SLC26A4: variants seen among roughly 807,000 people sequenced by gnomAD.
The protein encoded by SLC26A4 is pendrin.
SLC26A4 carries 93 observed loss-of-function variants against 90.4 expected under a neutral mutation model. That is an observed-to-expected ratio of 1.03 (90% CI 0.87 to 1.22). The LOEUF is 1.22. Among genes scored for constraint, SLC26A4 ranks in the 50% most tolerant of loss-of-function variants. The pLI, the probability that SLC26A4 is intolerant of heterozygous loss-of-function variation, is 0.00. For missense variants in SLC26A4, 1,127 were observed against 946.2 expected (o/e 1.19, Z -2.51); for synonymous variants, 393 against 354.6 (o/e 1.11, Z -1.22).
rs1554359670 is a variant in SLC26A4 at position 107,694,650 on chromosome 7, C to G, written c.1371C>G (p.Asn457Lys). The change falls in exon 12 of 21, where the codon AAC becomes AAG. Residue 457 changes from asparagine to lysine, a missense_variant. Transcript: ENST00000644269. Reference protein sequence around the residue: ...KSVLAAVVIANLKGMFMQLCD... With the variant: ...KSVLAAVVIAKLKGMFMQLCD... ...TCTTGGCAGCTGTTGTAATTGCCAA[C>G]CTGAAAGGGATGTTTATGCAGCTGT... The G allele has an allele frequency of 6.2e-7, 1 of 1,613,626 alleles. No individual in the cohort carries two copies. The highest frequency in any genetic ancestry group is 8.5e-7 in the Non-Finnish European group (1 of 1,179,584).
chr7:107,684,289 A>G (rs911950631), intron 8 of SLC26A4, among the ~76,000 whole-genome samples: 1 of 152,158 alleles, frequency 6.6e-6, no homozygotes, highest in Non-Finnish European at 1.5e-5. Flanking sequence ...TTAAGACTAG[A>G]CTTGCTGTTA....
chr7:107,688,473 G>A (rs1438541756), intron 8 of SLC26A4, among the ~76,000 whole-genome samples: 1 of 152,138 alleles, frequency 6.6e-6, no homozygotes, highest in Admixed American at 6.6e-5. Context: ...AGTAGTCATT[G>A]GACCCCACAA....
intron 6 of SLC26A4, among the ~76,000 whole-genome samples, chr7:107,678,949 C>G (rs1366004938): frequency 1.3e-5 from 2 of 152,124 alleles, no homozygotes; most frequent in Non-Finnish European, 2.9e-5. Context: ...TATCTTTGTT[C>G]TAAGGTTGCA....
chr7:107,690,422 T>A (rs1354822144), intron 10 of SLC26A4, among the ~76,000 whole-genome samples, 185 bp downstream of exon 10: 4 of 152,158 alleles, frequency 2.6e-5, no homozygotes, highest in Admixed American at 1.3e-4. Flanking sequence ...AAACAACATG[T>A]ATGGTTTTCT....
At chr7:107,666,580 A>G (rs1190119571) in intron 3 of SLC26A4, among the ~76,000 whole-genome samples, 1 of 152,180 alleles carries the variant, frequency 6.6e-6, no homozygotes, top group Non-Finnish European at 1.5e-5. Flanking sequence ...AGAAGGTGAA[A>G]TTTAGTAAAA....
chr7:107,675,285 T>TAAAA (rs60022317), intron 6 of SLC26A4, among the ~76,000 whole-genome samples, 176 bp downstream of exon 6: 18 of 96,686 alleles, frequency 1.9e-4, no homozygotes, highest in South Asian at 3.6e-4. Context: ...CCTCATCTCT[T>TAAAA]AAAAAAAAAA....
intron 5 of SLC26A4, 33 bp downstream of exon 5, chr7:107,674,381 GTAATTTT>G: frequency 6.9e-7 from 1 of 1,453,366 alleles, no homozygotes; most frequent in Non-Finnish European, 9.7e-7. Context: ...ATAGATGGAT[GTAATTTT>G]TATTTGAAAT....
chr7:107,682,990 A>G, intron 6 of SLC26A4, among the ~76,000 whole-genome samples: 1 of 152,130 alleles, frequency 6.6e-6, no homozygotes, highest in Non-Finnish European at 1.5e-5. Flanking sequence ...TGGTGTATAT[A>G]TATATTGCAG....
Position 107,661,553 on chromosome 7 carries a change from TC to T in SLC26A4, c.-3-83del, listed in dbSNP as rs1790549967. 1 of 1,396,762 alleles carries T rather than the reference TC, an allele frequency of 7.2e-7. No homozygotes were observed. Among genetic ancestry groups the T allele is most frequent in the African/African-American group, 1.4e-5 (1 of 70,304 alleles). 86.5% of individuals were successfully genotyped at this position (1,396,762 alleles called of 1,614,324 possible). ...GGGCCTGGCTGCAGCTAACAGGTGA[TC>T]CCGTTCTTTCTGTTCCTCGCTCTTC... On this transcript the variant is annotated intron_variant, in intron 1 of 20. Coordinates refer to ENST00000644269, the MANE Select transcript of SLC26A4 (RefSeq NM_000441.2). The surrounding 1 kb of genome is among the most constrained non-coding windows in gnomAD (Gnocchi z 5.1).
rs1417148170 is a variant in SLC26A4, at chr7:107,701,847, T to C, written c.1824T>C (p.Ala608=). 3.1e-6 allele frequency: 5 copies of C among 1,608,520 alleles called. No homozygotes were observed. The highest frequency in any genetic ancestry group is 1.1e-5 in the South Asian group (1 of 90,974). Residue 608 remains alanine (A), a synonymous_variant, in exon 17 of 21, where the codon GCT becomes GCC. Coordinates refer to ENST00000644269, the MANE Select transcript of SLC26A4 (RefSeq NM_000441.2). ...TTTAGAATGGCATCATAAGTGATGCTGTTTCAACAAATAATGCTTTTGAGC... is the reference window on the plus strand; with the variant it reads ...TTTAGAATGGCATCATAAGTGATGCCGTTTCAACAAATAATGCTTTTGAGC... The part of the protein sequence containing the change: ...RATKNGIISD[A]VSTNNAFEPD...
At chr7:107,677,012 A>G (rs1303310219) in intron 6 of SLC26A4, among the ~76,000 whole-genome samples, 1 of 152,080 alleles carries the variant, frequency 6.6e-6, no homozygotes, top group East Asian at 1.9e-4. Context: ...TGTCCCTACT[A>G]ATAATACAAA....
Position 107,710,195 on chromosome 7 carries a change from A to C in SLC26A4, c.2231A>C (p.Glu744Ala). Residue 744 changes from glutamate to alanine, a missense_variant, in exon 19 of 21, where the codon GAA (glutamate) becomes GCA (alanine). Transcript: ENST00000644269. Reference protein sequence around the residue: ...KSQEGQGSILETITLIQDCKD... With the variant: ...KSQEGQGSILATITLIQDCKD... ...CAAGAGGGTCAAGGTTCCATTTTAG[A>C]AACGGTAAATATTCAACCTTTCTAC... The C allele has an allele frequency of 6.3e-7, 1 of 1,597,802 alleles. No individual in the cohort carries two copies. Among genetic ancestry groups the C allele is most frequent in the Non-Finnish European group, 8.6e-7 (1 of 1,165,272 alleles).
Position 107,694,669 on chromosome 7 carries a change from C to T in SLC26A4, c.1390C>T (p.Gln464Ter). The change falls in exon 12 of 21, where the codon CAG becomes TAG. Residue 464 changes from glutamine to a stop codon, truncating the protein, a stop_gained. Coordinates refer to ENST00000644269, the MANE Select transcript of SLC26A4 (RefSeq NM_000441.2). LOFTEE classifies it high-confidence loss of function. Reference protein sequence around the residue: ...VIANLKGMFMQLCDIPRLWRQ... With the variant: ...VIANLKGMFM ...TGCCAACCTGAAAGGGATGTTTATG[C>T]AGCTGTGTGACATTCCTCGTCTGTG... is the stretch of plus-strand genomic sequence containing the variant. 6.2e-7 allele frequency: 1 copy of T among 1,613,582 alleles called. No individual in the cohort carries two copies. The highest frequency in any genetic ancestry group is 1.7e-5 in the Admixed American group (1 of 59,984).
intron 3 of SLC26A4, among the ~76,000 whole-genome samples, chr7:107,664,636 C>G (rs1420496442): frequency 6.6e-6 from 1 of 152,152 alleles, no homozygotes; most frequent in African/African-American, 2.4e-5. Flanking sequence ...CCCCTCATCC[C>G]TTTTTAAAAA....
rs1417146153 is a variant in SLC26A4 at position 107,710,131 on chromosome 7, C to G, written c.2167C>G (p.His723Asp). Residue 723 changes from histidine to aspartate, a missense_variant, in exon 19 of 21, where the codon CAT (histidine) becomes GAT (aspartate). Coordinates refer to ENST00000644269, the MANE Select transcript of SLC26A4 (RefSeq NM_000441.2). Reference sequence around the variant, plus strand: ...AAAGGACACATTCTTTTTGACGGTCCATGATGCTATACTCTATCTACAGAA... The same window carrying G: ...AAAGGACACATTCTTTTTGACGGTCGATGATGCTATACTCTATCTACAGAA... Reference protein sequence around the residue: ...IRKDTFFLTVHDAILYLQNQV... With the variant: ...IRKDTFFLTVDDAILYLQNQV... 6.2e-7 allele frequency: 1 copy of G among 1,608,472 alleles called. No individual in the cohort carries two copies. Among genetic ancestry groups the G allele is most frequent in the East Asian group, 2.2e-5 (1 of 44,844 alleles).
chr7:107,698,151 C>T (rs1186556088), intron 14 of SLC26A4, 40 bp downstream of exon 14: 1 of 1,336,730 alleles, frequency 7.5e-7, no homozygotes, highest in South Asian at 1.2e-5. Flanking sequence ...CTTGGGTTTA[C>T]TAGCCTGAAG....
intron 12 of SLC26A4, among the ~76,000 whole-genome samples, chr7:107,695,421 G>T (rs1791710455): frequency 6.6e-6 from 1 of 152,110 alleles, no homozygotes; most frequent in African/African-American, 2.4e-5. Flanking sequence ...CAAAAATTTA[G>T]AAATAAATAA....
intron 6 of SLC26A4, among the ~76,000 whole-genome samples, 176 bp downstream of exon 6, chr7:107,675,285 TAAAAA>T (rs60022317): frequency 5.2e-5 from 5 of 96,786 alleles, no homozygotes; most frequent in African/African-American, 8.0e-5. Flanking sequence ...CCTCATCTCT[TAAAAA>T]AAAAAAAAAA....
Position 107,663,467 on chromosome 7 carries a change from T to G in SLC26A4, c.304+32T>G, listed in dbSNP as rs1406391157. 3.7e-6 allele frequency: 6 copies of G among 1,613,126 alleles called. No homozygotes were observed. The African/African-American group carries it at 8.0e-5, about 22-fold the overall frequency. On this transcript the variant is annotated intron_variant, in intron 3 of 20. Transcript: ENST00000644269. ...TGTTGGCAGATTGAGAGTTCTGGTC[T>G]CCAGCAGGAGTTTAACACTTCTCCC...
Sources: gnomAD v4.1 joint callset for allele counts (sites outside exome capture counted in the v4.1 genomes callset) on GRCh38, gnomAD v4.1.1 for gene constraint, Gnocchi (gnomAD v3.1) non-coding constraint, MANE v1.5 for transcripts, NCBI Gene and HGNC (gene_info 2026-07-23, HGNC 2026-07-21) for gene names.